The following SLC6A3 variants were observed in gnomAD, a reference collection of about 807,000 sequenced individuals.
SLC6A3 encodes sodium-dependent dopamine transporter.
SLC6A3 carries 19 observed loss-of-function variants against 70.4 expected under a neutral mutation model. That is an observed-to-expected ratio of 0.27 (90% CI 0.19 to 0.40). SLC6A3 has a LOEUF of 0.40. Among genes scored for constraint, SLC6A3 ranks in the 10% least tolerant of loss-of-function variants. SLC6A3 has a pLI of 1.00. For missense variants in SLC6A3, 613 were observed against 838.5 expected, an observed-to-expected ratio of 0.73 and a Z score of 3.32; for synonymous variants, 368 against 356.6, an observed-to-expected ratio of 1.03 and a Z score of -0.36.
Position 1,397,366 on chromosome 5 carries a change from G to A in SLC6A3, c.1840-2608C>T, listed in dbSNP as rs10069101. On this transcript the variant is annotated intron_variant, in intron 14 of 14. Transcript: ENST00000270349. The surrounding 1 kb of genome is among the most constrained non-coding windows in gnomAD (Gnocchi z 4.7). ...GAATGGCGCGAACCCGGGAGGCGGA[G>A]CTTGCAGTGAGCCGAGATTGCGCCA... Among the ~76,000 whole-genome samples, 1 of 152,354 alleles carries A rather than the reference G, an allele frequency of 6.6e-6. No homozygotes were observed. The highest frequency in any genetic ancestry group is 1.5e-5 in the Non-Finnish European group (1 of 68,044).
At chr5:1,399,634 T>G (rs1366317303) in intron 14 of SLC6A3, among the ~76,000 whole-genome samples, 3 of 152,020 alleles carry the variant, frequency 2.0e-5, no homozygotes, top group Non-Finnish European at 2.9e-5. Context: ...GGAGGCCCAG[T>G]GGGGAGGGGC....
rs1755867450 is a variant in SLC6A3 at position 1,402,246 on chromosome 5, G to A, written c.1767+676C>T. 6.6e-6 allele frequency among the ~76,000 whole-genome samples: 1 copy of A among 151,936 alleles called. No homozygotes were observed. The highest frequency in any genetic ancestry group is 1.5e-5 in the Non-Finnish European group (1 of 67,968). On this transcript the variant is annotated intron_variant, in intron 13 of 14. Coordinates refer to ENST00000270349, the MANE Select transcript of SLC6A3 (RefSeq NM_001044.5). The surrounding 1 kb of genome is among the most constrained non-coding windows in gnomAD (Gnocchi z 8.5). ...GGCGACCCTCTTCCAAGGAGGGAGT[G>A]TCCTTGTCTCTTCCTGGAACCACAG...
chr5:1,417,892 G>A (rs1756344690), intron 6 of SLC6A3, among the ~76,000 whole-genome samples: 1 of 152,248 alleles, frequency 6.6e-6, no homozygotes, highest in South Asian at 2.1e-4. Flanking sequence ...GGTCAAGCTT[G>A]CCTGAGCTTG....
At chr5:1,426,469 G>T (rs1756577927) in intron 4 of SLC6A3, among the ~76,000 whole-genome samples, 1 of 152,126 alleles carries the variant, frequency 6.6e-6, no homozygotes, top group African/African-American at 2.4e-5. Flanking sequence ...GAGCCCAGAA[G>T]GTCAAGCCTG....
rs901558847 is a variant in SLC6A3, at chr5:1,405,131, C to T, written c.1599+1057G>A. Among the ~76,000 whole-genome samples, 3 of 152,230 alleles carry T rather than the reference C, an allele frequency of 2.0e-5. No individual in the cohort carries two copies. Among genetic ancestry groups the T allele is most frequent in the Non-Finnish European group, 2.9e-5 (2 of 68,040 alleles). Reference sequence around the variant, plus strand: ...AACCTTCAACGGGAGCCTTCACAAGCGCAGTTAACTGGACTTGGAACACTT... The same window carrying T: ...AACCTTCAACGGGAGCCTTCACAAGTGCAGTTAACTGGACTTGGAACACTT... On this transcript the variant is annotated intron_variant, in intron 12 of 14. Transcript: ENST00000270349. The surrounding 1 kb of genome is among the most constrained non-coding windows in gnomAD (Gnocchi z 5.3).
In SLC6A3 at chr5:1,402,908, G is replaced by A. The variant is rs781008995; in HGVS notation, c.1767+14C>T. ...CCTCACACTCGGGTGAAGGCGCCCC[G>A]TCCAAATACCCACCTCTCGAAAGGA... is the stretch of plus-strand genomic sequence containing the variant. On this transcript the variant is annotated intron_variant, in intron 13 of 14. Coordinates refer to ENST00000270349, the MANE Select transcript of SLC6A3 (RefSeq NM_001044.5). This position sits in a 1 kb window ranked among gnomAD's most constrained non-coding sequence, Gnocchi z 8.5. 18 of 1,612,210 alleles carry A rather than the reference G, an allele frequency of 1.1e-5. No individual in the cohort carries two copies. In the East Asian group the frequency reaches 1.6e-4, roughly 14 times the overall value.
intron 7 of SLC6A3, among the ~76,000 whole-genome samples, 165 bp downstream of exon 7, chr5:1,415,933 T>G (rs991816118): frequency 9.2e-5 from 14 of 152,354 alleles, no homozygotes; most frequent in African/African-American, 3.4e-4. Flanking sequence ...AAAATCGTGT[T>G]GGGAGCTGCC....
rs770479961 is a variant in SLC6A3, at chr5:1,409,748, G to A, written c.1371C>T (p.Phe457=). The A allele has an allele frequency of 1.2e-6, 2 of 1,613,350 alleles. No individual in the cohort carries two copies. Among genetic ancestry groups the A allele is most frequent in the South Asian group, 2.2e-5 (2 of 91,090 alleles). Residue 457 remains phenylalanine (F), a synonymous_variant, in exon 10 of 15, where the codon TTC becomes TTT. Transcript: ENST00000270349. ...TGGTGACGCAGAACAGGGACAGGAG[G>A]AAGGTCGCCAGGACGATGAAGAGCG... is the stretch of plus-strand genomic sequence containing the variant. ...LFTLFIVLAT[F]LLSLFCVTNG... is the part of the protein sequence containing the mutation.
intron 4 of SLC6A3, among the ~76,000 whole-genome samples, chr5:1,430,712 G>A (rs1476042511): frequency 1.3e-5 from 2 of 151,488 alleles, no homozygotes; most frequent in Non-Finnish European, 2.9e-5. Flanking sequence ...GGGAGGCTGT[G>A]CGCCCCGAAG....
chr5:1,424,655 G>C (rs1014836303), intron 4 of SLC6A3, among the ~76,000 whole-genome samples: 20 of 152,358 alleles, frequency 1.3e-4, no homozygotes, highest in African/African-American at 3.6e-4. Context: ...TGGACCAGAG[G>C]GGGAGGCCCA....
chr5:1,438,984 C>T lies in SLC6A3; in HGVS notation c.418+2375G>A, dbSNP rs189797719. The stretch of plus-strand genomic sequence containing the variant: ...GCTCAGCATCGCTTACGACTGCAGG[C>T]TCAGAGGCAGCACTCCTCTCTGAAA... On this transcript the variant is annotated intron_variant, in intron 3 of 14. Transcript: ENST00000270349. This position sits in a 1 kb window ranked among gnomAD's most constrained non-coding sequence, Gnocchi z 6.5. 1.5e-4 allele frequency among the ~76,000 whole-genome samples: 23 copies of T among 152,362 alleles called. No individual in the cohort carries two copies. The East Asian group carries it at 4.2e-3, about 28-fold the overall frequency.
intron 6 of SLC6A3, among the ~76,000 whole-genome samples, chr5:1,419,302 A>G (rs984808108): frequency 2.1e-5 from 3 of 145,152 alleles, no homozygotes; most frequent in Admixed American, 2.1e-4. Flanking sequence ...CATCCATCCT[A>G]TCCACCTACT....
At chr5:1,425,525 A>C (rs986736571) in intron 4 of SLC6A3, among the ~76,000 whole-genome samples, 1 of 152,264 alleles carries the variant, frequency 6.6e-6, no homozygotes, top group African/African-American at 2.4e-5. Context: ...ATGATATAGA[A>C]AAATTAACCC....
At chr5:1,430,073 G>A (rs539159776) in intron 4 of SLC6A3, among the ~76,000 whole-genome samples, 2 of 152,108 alleles carry the variant, frequency 1.3e-5, no homozygotes, top group Non-Finnish European at 1.5e-5. Flanking sequence ...GGCGATGCTC[G>A]TCCAAGTGTC....
In SLC6A3 at chr5:1,408,169, T is replaced by A. The variant is rs1459331993; in HGVS notation, c.1498+857A>T. Among the ~76,000 whole-genome samples the A allele has an allele frequency of 6.6e-6, 1 of 151,648 alleles. No homozygotes were observed. The highest frequency in any genetic ancestry group is 1.5e-5 in the Non-Finnish European group (1 of 67,974). On this transcript the variant is annotated intron_variant, in intron 11 of 14. Transcript: ENST00000270349. The surrounding 1 kb of genome is among the most constrained non-coding windows in gnomAD (Gnocchi z 6.4). ...GAAAATCTACAGCCTCCTGACTAGC[T>A]GGGATTATAGCCTTGTGCCACCACA...
rs187201472 is a variant in SLC6A3 at position 1,425,811 on chromosome 5, C to G, written c.654-3797G>C. On this transcript the variant is annotated intron_variant, in intron 4 of 14. Coordinates refer to ENST00000270349, the MANE Select transcript of SLC6A3 (RefSeq NM_001044.5). ...AAATATGTAAAGAACTCCTAAAACT[C>G]AACAACAAAAAAACTGACAGCCCAA... Among the ~76,000 whole-genome samples, 546 of 152,144 alleles carry G rather than the reference C, an allele frequency of 3.6e-3. 3 individuals carry two copies. The highest frequency in any genetic ancestry group is 0.017 in the Middle Eastern group (5 of 292).
intron 1 of SLC6A3, among the ~76,000 whole-genome samples, chr5:1,444,300 G>C: frequency 6.6e-6 from 1 of 152,144 alleles, no homozygotes; most frequent in East Asian, 1.9e-4. Flanking sequence ...GCCCCAGCCA[G>C]GGCGACTTCT....
At position 1,436,106 on chromosome 5, in the gene SLC6A3, G is replaced by A. The variant is rs1245027549; in HGVS notation, c.419-3408C>T. ...CCCTGGGCACCTGGGTGAGGAAATG[G>A]CTCCCTTGAACGGTAGTGGCCACTG... On this transcript the variant is annotated intron_variant, in intron 3 of 14. Coordinates refer to ENST00000270349, the MANE Select transcript of SLC6A3 (RefSeq NM_001044.5). The surrounding 1 kb of genome is among the most constrained non-coding windows in gnomAD (Gnocchi z 5.2). Among the ~76,000 whole-genome samples, 1 of 151,776 alleles carries A rather than the reference G, an allele frequency of 6.6e-6. No homozygotes were observed. Among genetic ancestry groups the A allele is most frequent in the African/African-American group, 2.4e-5 (1 of 41,276 alleles).
intron 8 of SLC6A3, among the ~76,000 whole-genome samples, chr5:1,414,175 C>T (rs927016956): frequency 6.6e-6 from 1 of 152,044 alleles, no homozygotes; most frequent in Admixed American, 6.5e-5. Context: ...CATTCCTCCC[C>T]TTCCCTGAGC....
Sources: allele counts gnomAD v4.1 joint callset (sites outside exome capture counted in the v4.1 genomes callset), GRCh38; gene constraint gnomAD v4.1.1; non-coding constraint Gnocchi (gnomAD v3.1); transcripts MANE v1.5; gene names NCBI Gene and HGNC (gene_info 2026-07-23, HGNC 2026-07-21).